The following SORCS2 variants were observed in gnomAD, a reference collection of about 807,000 sequenced individuals.
The protein encoded by SORCS2 is sortilin related VPS10 domain containing receptor 2.
SORCS2 carries 100 observed loss-of-function variants against 141.6 expected under a neutral mutation model. That is an observed-to-expected ratio of 0.71 (90% confidence interval 0.60 to 0.83). The LOEUF is 0.83. Ranked by LOEUF, SORCS2 falls within the 40% of genes least tolerant of loss-of-function variation. SORCS2 has a pLI of 0.00. For missense variants in SORCS2, 1,646 were observed against 1,560.2 expected (o/e 1.05, Z -0.93); for synonymous variants, 789 against 676.9 (o/e 1.17, Z -2.57).
intron 1 of SORCS2, among the ~76,000 whole-genome samples, chr4:7,231,738 T>A (rs557181823): frequency 6.6e-6 from 1 of 152,138 alleles, no homozygotes; most frequent in African/African-American, 2.4e-5. Flanking sequence ...GGGGTAAGAT[T>A]TGGGAAGACT....
intron 16 of SORCS2, among the ~76,000 whole-genome samples, chr4:7,714,938 G>T (rs1293501016): frequency 1.3e-5 from 2 of 152,034 alleles, no homozygotes; most frequent in East Asian, 3.9e-4. Flanking sequence ...TTTGAGATTT[G>T]CTCACCTCCT....
chr4:7,433,397 C>A, intron 2 of SORCS2: 1 of 1,501,282 alleles, frequency 6.7e-7, no homozygotes, highest in South Asian at 1.4e-5. Context: ...AGCTTGGCGG[C>A]CTCCTGGCTC....
chr4:7,379,158 A>G (rs901573090), intron 1 of SORCS2, among the ~76,000 whole-genome samples: 5 of 152,072 alleles, frequency 3.3e-5, no homozygotes, highest in Non-Finnish European at 1.5e-5. Flanking sequence ...GGCACATCCG[A>G]GTATGGGCCA....
At chr4:7,421,159 T>C (rs1726017360) in intron 2 of SORCS2, among the ~76,000 whole-genome samples, 1 of 152,148 alleles carries the variant, frequency 6.6e-6, no homozygotes, top group Non-Finnish European at 1.5e-5. Context: ...GCACAAGCTG[T>C]TGGCTGAAGC....
At chr4:7,595,242 G>A (rs967130973) in intron 3 of SORCS2, among the ~76,000 whole-genome samples, 8 of 152,204 alleles carry the variant, frequency 5.3e-5, no homozygotes, top group Admixed American at 4.6e-4. Context: ...GCACGAGGCA[G>A]GGCATGGGGT....
At chr4:7,501,639 C>T (rs1211224100) in intron 2 of SORCS2, among the ~76,000 whole-genome samples, 1 of 152,216 alleles carries the variant, frequency 6.6e-6, no homozygotes, top group Non-Finnish European at 1.5e-5. Context: ...CAAGGCAGGA[C>T]GTTCAAGATG....
intron 3 of SORCS2, among the ~76,000 whole-genome samples, chr4:7,538,514 T>C (rs1712312988): frequency 6.6e-6 from 1 of 152,224 alleles, no homozygotes; most frequent in African/African-American, 2.4e-5. Flanking sequence ...CCAAGCATTG[T>C]GTTTTATATG....
At chr4:7,256,542 C>T (rs568883575) in intron 1 of SORCS2, among the ~76,000 whole-genome samples, 1 of 152,078 alleles carries the variant, frequency 6.6e-6, no homozygotes, top group South Asian at 2.1e-4. Flanking sequence ...CATTGAATAC[C>T]CACAAATGCA....
rs529302252 is a variant in SORCS2 at position 7,722,480 on chromosome 4, C to T, written c.2425-1217C>T. Among the ~76,000 whole-genome samples the T allele has an allele frequency of 2.4e-3, 359 of 152,324 alleles. 3 individuals are homozygous for T. The highest frequency in any genetic ancestry group is 8.2e-3 in the African/African-American group (342 of 41,566). On this transcript the variant is annotated intron_variant, in intron 18 of 26. Transcript: ENST00000507866. The stretch of plus-strand genomic sequence containing the variant: ...GGTGGCCTGAACCCACACAAGTCTC[C>T]GAAGGAGAATCCATTTGCACCTCCT...
At chr4:7,315,778 C>T (rs1327318179) in intron 1 of SORCS2, among the ~76,000 whole-genome samples, 1 of 152,190 alleles carries the variant, frequency 6.6e-6, no homozygotes, top group Non-Finnish European at 1.5e-5. Flanking sequence ...TACTTATGTC[C>T]ATAGCTTCTC....
At chr4:7,517,989 A>C (rs898188432) in intron 2 of SORCS2, among the ~76,000 whole-genome samples, 1 of 152,224 alleles carries the variant, frequency 6.6e-6, no homozygotes, top group African/African-American at 2.4e-5. Context: ...GAACATGCTG[A>C]GTATTTTGTG....
chr4:7,709,812 T>C (rs539874358), intron 14 of SORCS2, among the ~76,000 whole-genome samples: 5 of 152,256 alleles, frequency 3.3e-5, no homozygotes, highest in Non-Finnish European at 7.4e-5. Context: ...TGCCTCTCTT[T>C]CCCCACAGTG....
intron 3 of SORCS2, among the ~76,000 whole-genome samples, chr4:7,603,838 G>A (rs1287145918): frequency 6.6e-6 from 1 of 152,134 alleles, no homozygotes; most frequent in Admixed American, 6.5e-5. Flanking sequence ...CTAACATGGG[G>A]TCTGGTAAAG....
chr4:7,220,645 A>C (rs1728647687), intron 1 of SORCS2, among the ~76,000 whole-genome samples: 1 of 152,174 alleles, frequency 6.6e-6, no homozygotes, highest in East Asian at 1.9e-4. Flanking sequence ...ATATTTCCCC[A>C]GTTTTGGAAA....
At chr4:7,373,760 G>A (rs1722430219) in intron 1 of SORCS2, among the ~76,000 whole-genome samples, 1 of 151,604 alleles carries the variant, frequency 6.6e-6, no homozygotes, top group African/African-American at 2.4e-5. Flanking sequence ...CCAAAGTGCT[G>A]GGATTACAGG....
intron 18 of SORCS2, among the ~76,000 whole-genome samples, chr4:7,720,149 A>G (rs1362761385): frequency 6.6e-6 from 1 of 152,116 alleles, no homozygotes; most frequent in Non-Finnish European, 1.5e-5. Context: ...ACACAGGCCA[A>G]CCTATCTTGC....
rs35306661 is a variant in SORCS2, at chr4:7,682,817, C to T, written c.1416C>T (p.Asn472=). 0.045 allele frequency: 72,567 copies of T among 1,612,698 alleles called. 2,029 individuals are homozygous for T. The highest frequency in any genetic ancestry group is 0.11 in the African/African-American group (8,318 of 74,962). ...AAGTGATGACGCTTATAACCTACAA[C>T]AAGGGCCGCGACTGGGATTACCTGA... ...DGKVMTLITY[N]KGRDWDYLRP... Residue 472 remains asparagine (N), a synonymous_variant, in exon 10 of 27, where the codon AAC becomes AAT. Coordinates refer to ENST00000507866, the MANE Select transcript of SORCS2 (RefSeq NM_020777.3).
chr4:7,282,245 C>T (rs999071466), intron 1 of SORCS2, among the ~76,000 whole-genome samples: 2 of 152,178 alleles, frequency 1.3e-5, no homozygotes, highest in African/African-American at 2.4e-5. Flanking sequence ...TGCTCCCTAA[C>T]GATGTTTAAA....
chr4:7,343,670 C>G (rs911419620), intron 1 of SORCS2, among the ~76,000 whole-genome samples: 4 of 152,182 alleles, frequency 2.6e-5, no homozygotes, highest in African/African-American at 7.2e-5. Flanking sequence ...CTCAGTTTCC[C>G]CATCTGGAAA....
Sources: gnomAD v4.1 joint callset for allele counts (sites outside exome capture counted in the v4.1 genomes callset) on GRCh38, gnomAD v4.1.1 for gene constraint, MANE v1.5 for transcripts, NCBI Gene and HGNC (gene_info 2026-07-23, HGNC 2026-07-21) for gene names.